The following PCDH15 variants were observed in gnomAD, a reference collection of about 807,000 sequenced individuals.
PCDH15 encodes protocadherin-15.
Under a neutral mutation model 178.5 loss-of-function variants are expected in PCDH15, and 129 were observed. The observed-to-expected ratio is 0.72, with a 90% CI of 0.63 to 0.84. PCDH15 has a LOEUF of 0.84. PCDH15 is among the 40% of genes least tolerant of loss of function. The pLI is 0.00. For missense variants in PCDH15, 2,230 were observed against 2,099.9 expected, an observed-to-expected ratio of 1.06 and a Z score of -1.21; for synonymous variants, 800 against 732.0, an observed-to-expected ratio of 1.09 and a Z score of -1.50.
intron 2 of PCDH15, among the ~76,000 whole-genome samples, chr10:55,413,568 T>C (rs1838399416): frequency 6.6e-6 from 1 of 151,718 alleles, no homozygotes; most frequent in African/African-American, 2.4e-5. Flanking sequence ...TATATCTATC[T>C]ATGTATTTTT....
chr10:54,728,320 A>T (rs1339061810), intron 1 of PCDH15, among the ~76,000 whole-genome samples: 2 of 151,540 alleles, frequency 1.3e-5, no homozygotes, highest in Non-Finnish European at 3.0e-5. Context: ...TCGTATAAAC[A>T]GAACTATAAA....
At chr10:55,478,354 T>A (rs1033715897) in intron 2 of PCDH15, among the ~76,000 whole-genome samples, 2 of 151,662 alleles carry the variant, frequency 1.3e-5, no homozygotes, top group Non-Finnish European at 3.0e-5. Flanking sequence ...CCATCCAACA[T>A]CTGCAGGATA....
chr10:54,320,632 CTTTTA>C (rs1348109137), intron 7 of PCDH15, among the ~76,000 whole-genome samples: 6 of 151,668 alleles, frequency 4.0e-5, no homozygotes, highest in African/African-American at 7.3e-5. Flanking sequence ...TAATACTGAT[CTTTTA>C]TTTAATTGGG....
At chr10:54,930,868 G>A (rs527254052) in intron 2 of PCDH15, among the ~76,000 whole-genome samples, 13 of 152,130 alleles carry the variant, frequency 8.5e-5, no homozygotes, top group African/African-American at 2.9e-4. Context: ...TAAGACATAC[G>A]TAATCAATTA....
At chr10:55,102,543 T>C (rs1842597644) in intron 2 of PCDH15, among the ~76,000 whole-genome samples, 1 of 152,184 alleles carries the variant, frequency 6.6e-6, no homozygotes, top group African/African-American at 2.4e-5. Context: ...ACAAATGTTA[T>C]ATAAATGACC....
intron 26 of PCDH15, among the ~76,000 whole-genome samples, chr10:53,878,443 TA>T (rs1181143527): frequency 6.9e-6 from 1 of 144,654 alleles, no homozygotes; most frequent in Non-Finnish European, 1.5e-5. Context: ...TATATCTCCA[TA>T]TATATAAAAT....
intron 21 of PCDH15, among the ~76,000 whole-genome samples, chr10:53,977,929 A>T (rs1339021926): frequency 1.1e-4 from 17 of 152,200 alleles, no homozygotes; most frequent in Admixed American, 1.1e-3. Context: ...TATCATATCC[A>T]GGTCTCACTG....
intron 1 of PCDH15, among the ~76,000 whole-genome samples, chr10:55,290,050 A>C (rs1842969020): frequency 3.3e-5 from 5 of 151,822 alleles, no homozygotes; most frequent in Admixed American, 3.3e-4. Flanking sequence ...AGCCTCCAGA[A>C]CTGTAATAAA....
At chr10:54,404,479 A>C (rs1265975651) in intron 3 of PCDH15, among the ~76,000 whole-genome samples, 1 of 152,198 alleles carries the variant, frequency 6.6e-6, no homozygotes, top group Non-Finnish European at 1.5e-5. Context: ...GCAGAAGATT[A>C]AAACTAGACC....
chr10:53,823,617 G>GTAT (rs1005723006), intron 32 of PCDH15, among the ~76,000 whole-genome samples: 4 of 151,404 alleles, frequency 2.6e-5, no homozygotes, highest in African/African-American at 9.8e-5. Flanking sequence ...TTGGAAGAGA[G>GTAT]TATTTTTTGT....
chr10:55,334,314 A>T (rs11004810), intron 2 of PCDH15, among the ~76,000 whole-genome samples: 47,655 of 118,594 alleles, frequency 0.4, 10,246 homozygotes, highest in African/African-American at 0.48. Flanking sequence ...ATATATATAT[A>T]TTTTTTTTTT....
chr10:55,311,911 G>A (rs1843595023), intron 1 of PCDH15, among the ~76,000 whole-genome samples: 1 of 152,136 alleles, frequency 6.6e-6, no homozygotes, highest in Non-Finnish European at 1.5e-5. Flanking sequence ...CAATATTTAT[G>A]TATTCAGTAT....
intron 9 of PCDH15, among the ~76,000 whole-genome samples, chr10:54,214,343 G>A (rs1023346878): frequency 1.5e-4 from 23 of 152,176 alleles, no homozygotes; most frequent in Admixed American, 1.2e-3. Flanking sequence ...AGTGGAGGGA[G>A]AGTAAATTTT....
At chr10:55,336,595 C>G (rs573413500) in intron 2 of PCDH15, among the ~76,000 whole-genome samples, 1 of 152,106 alleles carries the variant, frequency 6.6e-6, no homozygotes, top group African/African-American at 2.4e-5. Flanking sequence ...CTATCCTAAA[C>G]GTGGAGGAAA....
chr10:55,159,331 T>C (rs1838988552), intron 2 of PCDH15, among the ~76,000 whole-genome samples: 1 of 145,462 alleles, frequency 6.9e-6, no homozygotes, highest in African/African-American at 2.5e-5. Flanking sequence ...CTTTAGGAGG[T>C]AAGATTACCA....
chr10:55,020,907 C>T (rs187689893), intron 2 of PCDH15, among the ~76,000 whole-genome samples: 1 of 152,244 alleles, frequency 6.6e-6, no homozygotes, highest in Admixed American at 6.6e-5. Flanking sequence ...TACCCCTTGC[C>T]CTATTATCTA....
rs759165641 is a variant in PCDH15 at position 53,806,887 on chromosome 10, C to T, written c.4915G>A (p.Asp1639Asn). 4.3e-6 allele frequency: 7 copies of T among 1,613,876 alleles called. No individual in the cohort carries two copies. In the South Asian group the frequency reaches 6.6e-5, roughly 15 times the overall value. The change falls in exon 38 of 38, where the codon GAC (aspartate) becomes AAC (asparagine). Residue 1639 changes from aspartate to asparagine, a missense_variant. Transcript: ENST00000644397. Reference protein sequence around the residue: ...VRLGGPFKKLDKLAVTHEENV... With the variant: ...VRLGGPFKKLNKLAVTHEENV... ...TCCTCATGTGTCACTGCCAACTTGT[C>T]TAGTTTCTTAAAGGGCCCTCCCAGT...
At chr10:53,968,904 C>T (rs2089351245) in intron 21 of PCDH15, among the ~76,000 whole-genome samples, 1 of 152,086 alleles carries the variant, frequency 6.6e-6, no homozygotes, top group African/African-American at 2.4e-5. Context: ...TGGGGAGAAA[C>T]CAGAGCAGAA....
chr10:55,484,408 A>G (rs1357548038), intron 2 of PCDH15, among the ~76,000 whole-genome samples: 3 of 151,960 alleles, frequency 2.0e-5, no homozygotes, highest in Admixed American at 6.6e-5. Context: ...AAACAAATGG[A>G]AAGTCATCCT....
Sources: gnomAD v4.1 joint callset for allele counts (sites outside exome capture counted in the v4.1 genomes callset) on GRCh38, gnomAD v4.1.1 for gene constraint, MANE v1.5 for transcripts, NCBI Gene and HGNC (gene_info 2026-07-23, HGNC 2026-07-21) for gene names.